GRM8: variants seen among roughly 807,000 people sequenced by gnomAD.
GRM8 encodes glutamate metabotropic receptor 8.
In GRM8, 47 loss-of-function variants were observed where a neutral mutation model predicts 87.2. That is an observed-to-expected ratio of 0.54 (90% CI 0.43 to 0.69). The LOEUF is 0.69. Ranked by LOEUF, GRM8 falls within the 30% of genes least tolerant of loss-of-function variation. The pLI, the probability that GRM8 is intolerant of heterozygous loss-of-function variation, is 0.00. For missense variants in GRM8, 1,019 were observed against 1,139.2 expected (o/e 0.89, Z 1.52); for synonymous variants, 396 against 404.5 (o/e 0.98, Z 0.25).
At chr7:127,112,685 T>C (rs1826444747) in intron 2 of GRM8, among the ~76,000 whole-genome samples, 1 of 152,192 alleles carries the variant, frequency 6.6e-6, no homozygotes, top group Admixed American at 6.5e-5. Context: ...AGGCATCTGT[T>C]TTTACCAAGC....
intron 9 of GRM8, among the ~76,000 whole-genome samples, chr7:126,528,364 T>C (rs1310889967): frequency 6.6e-6 from 1 of 152,202 alleles, no homozygotes; most frequent in Non-Finnish European, 1.5e-5. Flanking sequence ...TATTCAGTCA[T>C]TAAACAAATA....
chr7:126,841,643 T>C (rs1046541618), intron 6 of GRM8, among the ~76,000 whole-genome samples: 3 of 151,872 alleles, frequency 2.0e-5, no homozygotes, highest in Admixed American at 6.6e-5. Flanking sequence ...TTTTTTTTTT[T>C]TTGAGATGGA....
In GRM8 at chr7:126,879,119, C is replaced by T. The variant is rs1005187924; in HGVS notation, c.1156+23423G>A. 5.1e-4 allele frequency among the ~76,000 whole-genome samples: 73 copies of T among 142,538 alleles called. 1 individual carries two copies. The Middle Eastern group carries it at 0.011, about 21-fold the overall frequency. The allele number at this position is 142,538 out of a possible 152,430, so 93.5% of individuals were successfully genotyped here. A position where few individuals can be genotyped will look rare whatever the true frequency, so the allele number is the denominator to read the frequency against. On this transcript the variant is annotated intron_variant, in intron 6 of 10. Coordinates refer to ENST00000339582, the MANE Select transcript of GRM8 (RefSeq NM_000845.3). ...TGGAGGTTGCAGTGAGCCAAGACGG[C>T]GCCATTGCACTCCAGCCTGGGCCAC...
intron 9 of GRM8, 102 bp from the exon 10 acceptor site, chr7:126,446,474 A>C: frequency 1.3e-6 from 1 of 745,570 alleles, no homozygotes; most frequent in Non-Finnish European, 2.2e-6. Flanking sequence ...TTCTCTGCTA[A>C]AGGCACATTA....
chr7:126,853,358 T>C (rs1224973673), intron 6 of GRM8, among the ~76,000 whole-genome samples: 1 of 152,100 alleles, frequency 6.6e-6, no homozygotes, highest in Non-Finnish European at 1.5e-5. Flanking sequence ...TTCTCTTTAT[T>C]TTGCTGTGTT....
At chr7:127,134,757 A>T (rs1320845053) in intron 2 of GRM8, among the ~76,000 whole-genome samples, 1 of 152,158 alleles carries the variant, frequency 6.6e-6, no homozygotes, top group African/African-American at 2.4e-5. Flanking sequence ...TAAGATCTTA[A>T]CATAAAATGT....
intron 7 of GRM8, among the ~76,000 whole-genome samples, chr7:126,753,523 A>G (rs1167684898): frequency 6.6e-6 from 1 of 151,802 alleles, no homozygotes; most frequent in African/African-American, 2.4e-5. Context: ...AGATTTCTGA[A>G]ATTTTTATTG....
In GRM8 at chr7:126,984,304, G is replaced by A. The variant is rs17866363; in HGVS notation, c.728-79621C>T. 8.4e-3 allele frequency among the ~76,000 whole-genome samples: 1,281 copies of A among 152,238 alleles called. 11 individuals carry two copies. The highest frequency in any genetic ancestry group is 0.029 in the African/African-American group (1,187 of 41,540). On this transcript the variant is annotated intron_variant, in intron 3 of 10. Coordinates refer to ENST00000339582, the MANE Select transcript of GRM8 (RefSeq NM_000845.3). ...GGTTAATATTGAGTGTCAACTTGAT[G>A]GGATTGAAGGACTCAAAGTATGGAT...
At chr7:126,827,204 T>G (rs1467270463) in intron 6 of GRM8, among the ~76,000 whole-genome samples, 1 of 152,196 alleles carries the variant, frequency 6.6e-6, no homozygotes, top group Non-Finnish European at 1.5e-5. Context: ...TGTGGGCTCT[T>G]TTTTGGTTCC....
chr7:127,000,445 T>C (rs544509203), intron 3 of GRM8, among the ~76,000 whole-genome samples: 3 of 151,874 alleles, frequency 2.0e-5, no homozygotes, highest in Admixed American at 6.6e-5. Context: ...AGGGGATGGA[T>C]ATCCCATTTA....
intron 2 of GRM8, among the ~76,000 whole-genome samples, chr7:127,147,240 T>A (rs1363756788): frequency 6.6e-6 from 1 of 151,952 alleles, no homozygotes; most frequent in Non-Finnish European, 1.5e-5. Flanking sequence ...TCCCAAGAAG[T>A]CTGAACCCCA....
chr7:126,831,257 T>C (rs1479338394), intron 6 of GRM8, among the ~76,000 whole-genome samples: 1 of 152,240 alleles, frequency 6.6e-6, no homozygotes, highest in African/African-American at 2.4e-5. Context: ...CATTTAAGTC[T>C]GCAGAGGTTA....
intron 2 of GRM8, among the ~76,000 whole-genome samples, chr7:127,203,882 A>G (rs1795758598): frequency 6.6e-6 from 1 of 152,124 alleles, no homozygotes; most frequent in Admixed American, 6.5e-5. Flanking sequence ...AGAGAAAAAA[A>G]AACTCCATAA....
intron 7 of GRM8, among the ~76,000 whole-genome samples, chr7:126,743,485 T>G (rs989035146): frequency 2.6e-5 from 4 of 152,018 alleles, no homozygotes; most frequent in Non-Finnish European, 5.9e-5. Flanking sequence ...CACAATCCTA[T>G]AGCAATAAAA....
chr7:126,981,518 C>T (rs11976917), intron 3 of GRM8, among the ~76,000 whole-genome samples: 4,501 of 152,236 alleles, frequency 0.03, 217 homozygotes, highest in African/African-American at 0.1. Flanking sequence ...TGCTAAAGTG[C>T]TAGCTCAAGT....
chr7:126,620,693 G>C (rs1169303362), intron 7 of GRM8, among the ~76,000 whole-genome samples: 1 of 151,912 alleles, frequency 6.6e-6, no homozygotes, highest in African/African-American at 2.4e-5. Context: ...TTCCTAAACT[G>C]TTGCATGAGA....
intron 3 of GRM8, among the ~76,000 whole-genome samples, chr7:126,947,978 T>A (rs546491257): frequency 1.2e-4 from 19 of 152,298 alleles, no homozygotes; most frequent in African/African-American, 4.3e-4. Context: ...TCAGACAGCA[T>A]CCTAGCAAAG....
intron 3 of GRM8, among the ~76,000 whole-genome samples, chr7:126,942,864 T>C (rs1287037915): frequency 6.6e-6 from 1 of 152,118 alleles, no homozygotes; most frequent in East Asian, 1.9e-4. Flanking sequence ...GTACTCTCAC[T>C]GGGCAGGTGA....
At chr7:126,864,266 C>A (rs1563260978) in intron 6 of GRM8, among the ~76,000 whole-genome samples, 1 of 152,038 alleles carries the variant, frequency 6.6e-6, no homozygotes, top group Non-Finnish European at 1.5e-5. Flanking sequence ...TTCCTTCAGT[C>A]TGGGAATTCA....
Sources: allele counts gnomAD v4.1 joint callset (sites outside exome capture counted in the v4.1 genomes callset), GRCh38; gene constraint gnomAD v4.1.1; transcripts MANE v1.5; gene names NCBI Gene and HGNC (gene_info 2026-07-23, HGNC 2026-07-21).